Variants in MOB1B observed in about 807,000 individuals in gnomAD.
MOB1B encodes the protein MOB kinase activator 1B, also known as MOB1 Mps One Binder homolog B.
In MOB1B, 19 loss-of-function variants were observed where a neutral mutation model predicts 24.4. That is an observed-to-expected ratio of 0.78 (90% CI 0.54 to 1.14). The LOEUF (loss-of-function observed/expected upper bound fraction) is 1.14. Ranked by LOEUF, MOB1B falls within the 50% of genes most tolerant of loss-of-function variation. The pLI, the probability that MOB1B is intolerant of heterozygous loss-of-function variation, is 0.00. For missense variants in MOB1B, 243 were observed against 259.6 expected, an observed-to-expected ratio of 0.94 and a Z score of 0.44; for synonymous variants, 76 against 82.1, an observed-to-expected ratio of 0.93 and a Z score of 0.40.
chr4:70,932,537 C>T (rs1191724851), intron 1 of MOB1B, among the ~76,000 whole-genome samples: 1 of 152,268 alleles, frequency 6.6e-6, no homozygotes, highest in Non-Finnish European at 1.5e-5. Context: ...AAAACTCTTG[C>T]AGCATGCTGG....
At chr4:70,914,907 G>A (rs575120113) in intron 1 of MOB1B, among the ~76,000 whole-genome samples, 5 of 152,290 alleles carry the variant, frequency 3.3e-5, no homozygotes, top group Admixed American at 6.5e-5. Flanking sequence ...GATGAAAGCA[G>A]TCTGAGATTC....
chr4:70,919,589 C>T (rs1247298542), intron 1 of MOB1B, among the ~76,000 whole-genome samples: 1 of 152,126 alleles, frequency 6.6e-6, no homozygotes, highest in African/African-American at 2.4e-5. Flanking sequence ...ACCTCTGCCT[C>T]CCGGGTTCAA....
chr4:70,921,723 G>C (rs1017155746), intron 1 of MOB1B, among the ~76,000 whole-genome samples: 3 of 152,006 alleles, frequency 2.0e-5, no homozygotes, highest in Admixed American at 2.0e-4. Flanking sequence ...TGGCCAGGTT[G>C]ATCTCGAACT....
At chr4:70,969,398 T>C (rs1214247621) in intron 2 of MOB1B, among the ~76,000 whole-genome samples, 4 of 152,228 alleles carry the variant, frequency 2.6e-5, no homozygotes, top group African/African-American at 9.7e-5. Flanking sequence ...GTGAATGTGT[T>C]GGGATTACAG....
At chr4:70,959,640 C>G (rs959288839) in intron 2 of MOB1B, among the ~76,000 whole-genome samples, 1 of 152,200 alleles carries the variant, frequency 6.6e-6, no homozygotes, top group Non-Finnish European at 1.5e-5. Context: ...ACATACCACT[C>G]TCCTTTCTAC....
chr4:70,952,807 T>C (rs541286336), intron 1 of MOB1B, among the ~76,000 whole-genome samples: 3 of 152,118 alleles, frequency 2.0e-5, no homozygotes, highest in Admixed American at 2.0e-4. Context: ...TCTTAAAATA[T>C]GTGAGATGTA....
rs532965607 is a variant in MOB1B, at chr4:70,982,364, G to T, written c.*307G>T. On this transcript the variant is annotated 3_prime_UTR_variant, in exon 6 of 6. Transcript: ENST00000309395. ...CAAGAAAGTGCTTGTTGATTGAACT[G>T]CCGATGGATTGGTTTCTGTGTGGTA... 26 of 215,812 alleles carry T rather than the reference G, an allele frequency of 1.2e-4. No individual in the cohort carries two copies. The highest frequency in any genetic ancestry group is 5.5e-4 in the African/African-American group (24 of 43,272). 13.4% of individuals were successfully genotyped at this position (215,812 alleles called of 1,614,324 possible).
intron 2 of MOB1B, among the ~76,000 whole-genome samples, chr4:70,966,847 C>A (rs535198752): frequency 1.9e-3 from 252 of 135,090 alleles, no homozygotes; most frequent in Middle Eastern, 3.8e-3. Context: ...GATCCTACTT[C>A]AAAAAAAAAA....
At chr4:70,931,202 A>G (rs1718878169) in intron 1 of MOB1B, among the ~76,000 whole-genome samples, 1 of 152,140 alleles carries the variant, frequency 6.6e-6, no homozygotes, top group South Asian at 2.1e-4. Context: ...CAGAAAGGGG[A>G]GAATGAAATT....
At chr4:70,964,576 G>A (rs770020736) in intron 2 of MOB1B, among the ~76,000 whole-genome samples, 3 of 152,114 alleles carry the variant, frequency 2.0e-5, no homozygotes, top group Admixed American at 1.3e-4. Context: ...AAAAGTTAAT[G>A]AACTAAGCAT....
intron 1 of MOB1B, among the ~76,000 whole-genome samples, chr4:70,957,978 A>G (rs949110829): frequency 6.6e-6 from 1 of 151,738 alleles, no homozygotes; most frequent in African/African-American, 2.4e-5. Context: ...TTATGTGTAT[A>G]TATACACATA....
chr4:70,917,730 C>T (rs549625887), intron 1 of MOB1B, among the ~76,000 whole-genome samples: 31 of 152,280 alleles, frequency 2.0e-4, no homozygotes, highest in African/African-American at 7.0e-4. Flanking sequence ...AACCAGAAAA[C>T]ATGCATTGAA....
chr4:70,916,727 C>T (rs1409439174), intron 1 of MOB1B, among the ~76,000 whole-genome samples: 5 of 152,078 alleles, frequency 3.3e-5, no homozygotes, highest in African/African-American at 1.2e-4. Context: ...GCCACCATGC[C>T]CAGTTAAGTT....
At chr4:70,951,974 C>A (rs575660748) in intron 1 of MOB1B, among the ~76,000 whole-genome samples, 1 of 152,166 alleles carries the variant, frequency 6.6e-6, no homozygotes, top group Non-Finnish European at 1.5e-5. Flanking sequence ...GACTTTCGTA[C>A]GTTGTGGCTG....
chr4:70,959,971 C>T (rs960719693), intron 2 of MOB1B, among the ~76,000 whole-genome samples: 3 of 152,114 alleles, frequency 2.0e-5, no homozygotes, highest in African/African-American at 7.2e-5. Context: ...CCAACCTCTG[C>T]CTCCTGGGTT....
rs573145014 is a variant in MOB1B, at chr4:70,968,743, T to C, written c.182-1188T>C. 1.1e-4 allele frequency among the ~76,000 whole-genome samples: 16 copies of C among 152,272 alleles called. No individual in the cohort carries two copies. In the East Asian group the frequency reaches 2.7e-3, roughly 26 times the overall value. Reference sequence around the variant, plus strand: ...AGTTCTCCTGTCTCAGCCTTCTGAATGGTGTGGCTTGGACTGCAGGAGAGC... The same window carrying C: ...AGTTCTCCTGTCTCAGCCTTCTGAACGGTGTGGCTTGGACTGCAGGAGAGC... On this transcript the variant is annotated intron_variant, in intron 2 of 5. Coordinates refer to ENST00000309395, the MANE Select transcript of MOB1B (RefSeq NM_173468.4).
chr4:70,964,164 T>C (rs1160101987), intron 2 of MOB1B, among the ~76,000 whole-genome samples: 2 of 152,186 alleles, frequency 1.3e-5, no homozygotes, highest in Non-Finnish European at 2.9e-5. Context: ...GACAAATCCA[T>C]GGTCATAATG....
chr4:70,972,836 C>T (rs547360514), intron 3 of MOB1B, among the ~76,000 whole-genome samples: 4 of 152,270 alleles, frequency 2.6e-5, no homozygotes, highest in South Asian at 4.1e-4. Flanking sequence ...TGCAGTGGCG[C>T]GATCTCGGCT....
chr4:70,904,013 G>A (rs1019000609), intron 1 of MOB1B, among the ~76,000 whole-genome samples: 3 of 107,834 alleles, frequency 2.8e-5, no homozygotes, highest in Non-Finnish European at 5.1e-5. Flanking sequence ...CGGAGTCTCC[G>A]CTCTGTCACC....
Sources: allele counts gnomAD v4.1 joint callset (sites outside exome capture counted in the v4.1 genomes callset), GRCh38; gene constraint gnomAD v4.1.1; transcripts MANE v1.5; gene names NCBI Gene and HGNC (gene_info 2026-07-23, HGNC 2026-07-21).